PTPRT: variants seen among roughly 807,000 people sequenced by gnomAD.
PTPRT encodes protein tyrosine phosphatase receptor type T, also known as receptor-type tyrosine-protein phosphatase T.
A neutral mutation model predicts 176.8 loss-of-function variants in PTPRT; 56 were observed. That is an observed-to-expected ratio of 0.32 (90% CI 0.26 to 0.40). The LOEUF (loss-of-function observed/expected upper bound fraction) is 0.40, where lower values mean the gene tolerates loss of function less well. PTPRT is among the 10% of genes least tolerant of loss of function. The probability of loss-of-function intolerance (pLI) is 1.00; values close to 1 mark genes in which losing one functional copy is unlikely to be tolerated. For synonymous variants in PTPRT, 783 were observed against 739.0 expected, an observed-to-expected ratio of 1.06 and a Z score of -0.96; for missense variants, 1,540 against 1,908.2, an observed-to-expected ratio of 0.81 and a Z score of 3.60.
chr20:42,299,488 T>A (rs949758274), intron 12 of PTPRT, among the ~76,000 whole-genome samples: 2 of 152,120 alleles, frequency 1.3e-5, no homozygotes, highest in African/African-American at 4.8e-5. Flanking sequence ...AAATACTTCT[T>A]GAGTATTCTA....
At position 42,576,751 on chromosome 20, in the gene PTPRT, T is replaced by C. The variant is rs192003289; in HGVS notation, c.1153+101115A>G. 4.4e-4 allele frequency among the ~76,000 whole-genome samples: 67 copies of C among 152,338 alleles called. No homozygotes were observed. In the South Asian group the frequency reaches 7.9e-3, roughly 18 times the overall value. On this transcript the variant is annotated intron_variant, in intron 7 of 30. Transcript: ENST00000373187. The stretch of plus-strand genomic sequence containing the variant: ...TAATACGTTTACACATTTTCCTGGG[T>C]AAAAGCATAAGTAAATTCTCAATCA...
chr20:42,916,936 C>A (rs1339550891), intron 1 of PTPRT, among the ~76,000 whole-genome samples: 11 of 152,100 alleles, frequency 7.2e-5, no homozygotes. Flanking sequence ...ATGCTAGTTT[C>A]TTTTGCTGTG....
intron 17 of PTPRT, among the ~76,000 whole-genome samples, chr20:42,154,980 T>C (rs1407140208): frequency 6.6e-6 from 1 of 152,146 alleles, no homozygotes; most frequent in Non-Finnish European, 1.5e-5. Flanking sequence ...GGAGTAGACC[T>C]GAGGGTTGGC....
At chr20:42,361,619 A>G (rs1388500939) in intron 9 of PTPRT, among the ~76,000 whole-genome samples, 2 of 152,120 alleles carry the variant, frequency 1.3e-5, no homozygotes, top group Admixed American at 1.3e-4. Context: ...AGGGTGCATG[A>G]CAGTCCCTGT....
At chr20:42,311,546 C>T (rs1311095017) in intron 12 of PTPRT, among the ~76,000 whole-genome samples, 1 of 152,202 alleles carries the variant, frequency 6.6e-6, no homozygotes, top group Non-Finnish European at 1.5e-5. Context: ...CCCATTTCTG[C>T]TTTCCTTTCA....
intron 11 of PTPRT, among the ~76,000 whole-genome samples, chr20:42,333,229 T>A (rs2057992800): frequency 6.6e-6 from 1 of 152,270 alleles, no homozygotes; most frequent in African/African-American, 2.4e-5. Context: ...AATTATCTTC[T>A]ACTAAGCTAG....
At chr20:42,346,619 C>T (rs530673622) in intron 11 of PTPRT, among the ~76,000 whole-genome samples, 1 of 152,264 alleles carries the variant, frequency 6.6e-6, no homozygotes, top group African/African-American at 2.4e-5. Context: ...GAGCCCCACA[C>T]AGCAACAGTC....
intron 9 of PTPRT, among the ~76,000 whole-genome samples, chr20:42,438,963 G>A (rs1017279548): frequency 1.3e-5 from 2 of 152,200 alleles, no homozygotes; most frequent in African/African-American, 4.8e-5. Context: ...GTACATAAAT[G>A]CAAGTCACTC....
chr20:42,208,902 C>G (rs1233387344), intron 15 of PTPRT, among the ~76,000 whole-genome samples: 8 of 152,186 alleles, frequency 5.3e-5, no homozygotes, highest in Admixed American at 3.3e-4. Flanking sequence ...AAGTAAAGGT[C>G]TCCTTAGCAA....
At chr20:42,706,179 T>TTGTGTG (rs369232610) in intron 6 of PTPRT, among the ~76,000 whole-genome samples, 2,395 of 123,490 alleles carry the variant, frequency 0.019, 34 homozygotes, top group African/African-American at 0.027. Flanking sequence ...CTCTCTCTGT[T>TTGTGTG]TGTGTGTGTG....
At position 42,216,631 on chromosome 20, in the gene PTPRT, A is replaced by ATGT. The variant is rs368541415; in HGVS notation, c.2343-17246_2343-17244dup. On this transcript the variant is annotated intron_variant, in intron 15 of 30. Transcript: ENST00000373187. The stretch of plus-strand genomic sequence containing the variant: ...AGCACATAGTTTAGCACTTCCCACA[A>ATGT]TGTTGTAAAAGCTTTAAACATGTTT... 3.2e-3 allele frequency among the ~76,000 whole-genome samples: 492 copies of ATGT among 152,306 alleles called. 4 individuals carry two copies. The highest frequency in any genetic ancestry group is 0.01 in the African/African-American group (427 of 41,562).
At chr20:42,053,711 C>T in the PTPRT span, among the ~76,000 whole-genome samples, 1 of 152,186 alleles carries the variant, frequency 6.6e-6, no homozygotes, top group African/African-American at 2.4e-5. Flanking sequence ...TAGTAGAAGA[C>T]CAGACTTAGT....
chr20:42,452,073 A>G (rs566610275), intron 8 of PTPRT, among the ~76,000 whole-genome samples: 77 of 152,266 alleles, frequency 5.1e-4, no homozygotes, highest in African/African-American at 1.7e-3. Flanking sequence ...GATTGAGACC[A>G]TCCTGGCCAA....
At chr20:42,759,340 AG>A (rs2076881755) in intron 5 of PTPRT, among the ~76,000 whole-genome samples, 1 of 152,230 alleles carries the variant, frequency 6.6e-6, no homozygotes, top group Non-Finnish European at 1.5e-5. Context: ...ATGAAAAATA[AG>A]GTAGGCACAC....
intron 1 of PTPRT, among the ~76,000 whole-genome samples, chr20:42,952,417 C>G (rs1417419934): frequency 6.6e-6 from 1 of 152,216 alleles, no homozygotes; most frequent in Non-Finnish European, 1.5e-5. Flanking sequence ...GAACTCTAAG[C>G]AAAACAGTGC....
At chr20:42,791,088 C>G in intron 3 of PTPRT, 107 bp downstream of exon 3, 1 of 1,373,566 alleles carries the variant, frequency 7.3e-7, no homozygotes, top group African/African-American at 1.4e-5. Flanking sequence ...ACAGTAAACA[C>G]GAGTGAATAA....
intron 1 of PTPRT, among the ~76,000 whole-genome samples, chr20:43,184,375 G>A (rs1448371487): frequency 6.6e-6 from 1 of 152,162 alleles, no homozygotes; most frequent in Admixed American, 6.5e-5. Flanking sequence ...CTGAAATAAT[G>A]CTCACATTTG....
chr20:42,769,471 C>T (rs889150320), intron 5 of PTPRT, among the ~76,000 whole-genome samples: 4 of 152,194 alleles, frequency 2.6e-5, no homozygotes, highest in Non-Finnish European at 4.4e-5. Context: ...ACTGACCATA[C>T]TGAGTGCTGG....
chr20:42,856,629 C>T (rs1330467183), intron 2 of PTPRT, among the ~76,000 whole-genome samples: 5 of 152,080 alleles, frequency 3.3e-5, no homozygotes, highest in African/African-American at 1.2e-4. Context: ...TGGGCAACCT[C>T]CCAGGTACTG....
Sources: gnomAD v4.1 joint callset for allele counts (sites outside exome capture counted in the v4.1 genomes callset) on GRCh38, gnomAD v4.1.1 for gene constraint, MANE v1.5 for transcripts, NCBI Gene and HGNC (gene_info 2026-07-23, HGNC 2026-07-21) for gene names.